The following LMO4 variants were observed in gnomAD, a reference collection of about 807,000 sequenced individuals.
The protein encoded by LMO4 is LIM domain transcription factor LMO4.
Under a neutral mutation model 18.5 loss-of-function variants are expected in LMO4, and 3 were observed. The ratio of observed to expected loss-of-function variants is 0.16; its 90% CI spans 0.07 to 0.42. The LOEUF (loss-of-function observed/expected upper bound fraction) is 0.42, where lower values mean the gene tolerates loss of function less well. Among genes scored for constraint, LMO4 ranks in the 10% least tolerant of loss-of-function variants. LMO4 has a pLI of 0.99. For missense variants in LMO4, 121 were observed against 219.9 expected, an observed-to-expected ratio of 0.55 and a Z score of 2.84; for synonymous variants, 100 against 88.1, an observed-to-expected ratio of 1.14 and a Z score of -0.76.
intron 1 of LMO4, among the ~76,000 whole-genome samples, chr1:87,331,054 A>C (rs1431528356): frequency 1.4e-4 from 2 of 14,090 alleles, no homozygotes; most frequent in Non-Finnish European, 2.0e-4. Flanking sequence ...ATTATCTGTA[A>C]CGCCGCCCGC....
In LMO4 at chr1:87,338,796, C is replaced by T. The variant is rs115606149; in HGVS notation, c.237-740C>T. Among the ~76,000 whole-genome samples the T allele has an allele frequency of 2.1e-3, 321 of 152,174 alleles. 1 individual carries two copies. Among genetic ancestry groups the T allele is most frequent in the Admixed American group, 5.0e-3 (76 of 15,298 alleles). On this transcript the variant is annotated intron_variant, in intron 2 of 4. Transcript: ENST00000370544. ...TATGATGACAAATGGGTCCAGATCC[C>T]GGTAAATTACTTTCTGCTCAAATCG...
At chr1:87,338,311 T>G (rs1309988886) in intron 2 of LMO4, among the ~76,000 whole-genome samples, 1 of 152,218 alleles carries the variant, frequency 6.6e-6, no homozygotes, top group African/African-American at 2.4e-5. Context: ...CTGCATTTTA[T>G]GACTTTATTT....
intron 2 of LMO4, among the ~76,000 whole-genome samples, chr1:87,338,499 A>T (rs1341333611): frequency 6.6e-6 from 1 of 152,246 alleles, no homozygotes; most frequent in Admixed American, 6.5e-5. Context: ...TGTGGATATT[A>T]AAGAGGGAAG....
At chr1:87,336,186 G>T (rs928507887) in intron 2 of LMO4, among the ~76,000 whole-genome samples, 2 of 152,136 alleles carry the variant, frequency 1.3e-5, no homozygotes, top group African/African-American at 4.8e-5. Flanking sequence ...AATATAGCTG[G>T]TGCAGAATTT....
chr1:87,336,304 A>C (rs1028335208), intron 2 of LMO4, among the ~76,000 whole-genome samples: 6 of 152,200 alleles, frequency 3.9e-5, no homozygotes, highest in African/African-American at 1.4e-4. Flanking sequence ...GCAGGTACAA[A>C]TGTATATACC....
At chr1:87,332,838 C>A (rs961064491) in intron 2 of LMO4, among the ~76,000 whole-genome samples, 2 of 152,118 alleles carry the variant, frequency 1.3e-5, no homozygotes, top group Non-Finnish European at 2.9e-5. Flanking sequence ...AAAAAAAAGT[C>A]CCAAGAAATA....
chr1:87,341,392 G>A (rs1163158684), intron 4 of LMO4, among the ~76,000 whole-genome samples: 1 of 152,016 alleles, frequency 6.6e-6, no homozygotes, highest in Non-Finnish European at 1.5e-5. Context: ...CACTTCACTT[G>A]GTAATTCTTT....
At chr1:87,335,126 C>T (rs1307739918) in intron 2 of LMO4, among the ~76,000 whole-genome samples, 1 of 152,008 alleles carries the variant, frequency 6.6e-6, no homozygotes, top group Non-Finnish European at 1.5e-5. Flanking sequence ...AATAGGGGAA[C>T]CTTGGGACTG....
At chr1:87,331,647 A>G (rs1378480997) in intron 1 of LMO4, 1 of 211,236 alleles carries the variant, frequency 4.7e-6, no homozygotes, top group African/African-American at 2.9e-5. Context: ...GGAGGGGAGG[A>G]GGGGGCAGTG....
intron 1 of LMO4, among the ~76,000 whole-genome samples, chr1:87,329,722 T>C (rs1650075569): frequency 6.6e-6 from 1 of 152,196 alleles, no homozygotes. Flanking sequence ...AAAAAAATTC[T>C]TCTTGGCTTA....
intron 2 of LMO4, among the ~76,000 whole-genome samples, chr1:87,334,310 G>C (rs973973791): frequency 1.1e-4 from 17 of 152,102 alleles, no homozygotes; most frequent in African/African-American, 3.4e-4. Flanking sequence ...GAAATTGATG[G>C]CCTCACACTT....
rs1011596227 is a variant in LMO4 at position 87,345,740 on chromosome 1, A to G, written c.*944A>G. 2.0e-5 allele frequency: 3 copies of G among 152,204 alleles called. No individual in the cohort carries two copies. The highest frequency in any genetic ancestry group is 4.8e-5 in the African/African-American group (2 of 41,452). 9.4% of individuals were successfully genotyped at this position (152,204 alleles called of 1,614,324 possible). On this transcript the variant is annotated 3_prime_UTR_variant, in exon 5 of 5. Coordinates refer to ENST00000370544, the MANE Select transcript of LMO4 (RefSeq NM_006769.4). The stretch of plus-strand genomic sequence containing the variant: ...CTCTGGGCCAGTAAGGTATTCTTCA[A>G]ATTACTTAACCACGCCATTATTGGC...
chr1:87,343,296 A>G (rs1366614475), intron 4 of LMO4, among the ~76,000 whole-genome samples: 1 of 152,178 alleles, frequency 6.6e-6, no homozygotes, highest in Non-Finnish European at 1.5e-5. Flanking sequence ...TCATACAGTG[A>G]TTGAAATCTT....
chr1:87,329,884 A>AG (rs958470066), intron 1 of LMO4, among the ~76,000 whole-genome samples: 3 of 152,112 alleles, frequency 2.0e-5, no homozygotes, highest in Admixed American at 6.5e-5. Context: ...ACGTTGTTAA[A>AG]GGGGGGCAGA....
In LMO4 at chr1:87,347,482, T is replaced by C. The variant is rs1315147973; in HGVS notation, c.*2686T>C. ...TAGGAAAAAAAAAAATCTATGAGTT[T>C]ATTCCACCTTTCATCCATTGCATTT... On this transcript the variant is annotated 3_prime_UTR_variant, in exon 5 of 5. Coordinates refer to ENST00000370544, the MANE Select transcript of LMO4 (RefSeq NM_006769.4). 1.3e-5 allele frequency: 2 copies of C among 152,204 alleles called. No individual in the cohort carries two copies. The highest frequency in any genetic ancestry group is 2.9e-5 in the Non-Finnish European group (2 of 68,024). 9.4% of individuals were successfully genotyped at this position (152,204 alleles called of 1,614,324 possible).
At chr1:87,330,693 T>A (rs988620146) in intron 1 of LMO4, among the ~76,000 whole-genome samples, 6 of 152,172 alleles carry the variant, frequency 3.9e-5, no homozygotes, top group Non-Finnish European at 7.4e-5. Context: ...CGCCTTCTTC[T>A]GAGGTATCAG....
At chr1:87,330,468 T>C (rs1433957313) in intron 1 of LMO4, among the ~76,000 whole-genome samples, 2 of 152,250 alleles carry the variant, frequency 1.3e-5, no homozygotes, top group African/African-American at 2.4e-5. Flanking sequence ...TAATGGGTTT[T>C]AGAGTGGTCC....
chr1:87,336,951 T>G (rs1332049479), intron 2 of LMO4, among the ~76,000 whole-genome samples: 3 of 151,896 alleles, frequency 2.0e-5, no homozygotes, highest in Non-Finnish European at 4.4e-5. Flanking sequence ...TAATTAACTC[T>G]CCAGCGCACA....
Position 87,340,178 on chromosome 1 carries a change from C to T in LMO4, c.465C>T (p.Ser155=). The T allele has an allele frequency of 6.2e-7, 1 of 1,614,124 alleles. No homozygotes were observed. Among genetic ancestry groups the T allele is most frequent in the East Asian group, 2.2e-5 (1 of 44,874 alleles). Residue 155 remains serine, a synonymous_variant, in exon 4 of 5, where the codon AGC becomes AGT. Coordinates refer to ENST00000370544, the MANE Select transcript of LMO4 (RefSeq NM_006769.4). ...ATGGCCATTTGAATTCACTTCAGAG[C>T]AATCCACTACTGCCAGACCAGAAGG... is the stretch of plus-strand genomic sequence containing the variant. The part of the protein sequence containing the change: ...LINGHLNSLQ[S]NPLLPDQKVC
Sources: allele counts gnomAD v4.1 joint callset (sites outside exome capture counted in the v4.1 genomes callset), GRCh38; gene constraint gnomAD v4.1.1; transcripts MANE v1.5; gene names NCBI Gene and HGNC (gene_info 2026-07-23, HGNC 2026-07-21).